Variants in SDK1 observed in about 807,000 individuals in gnomAD.
SDK1 encodes sidekick cell adhesion molecule 1.
SDK1 carries 157 observed loss-of-function variants against 245.5 expected under a neutral mutation model. The observed-to-expected ratio is 0.64, with a 90% CI of 0.56 to 0.73. SDK1 has a LOEUF of 0.73. Among genes scored for constraint, SDK1 ranks in the 30% least tolerant of loss-of-function variants. The pLI is 0.00. For synonymous variants in SDK1, 1,647 were observed against 1,278.5 expected (o/e 1.29, Z -6.15); for missense variants, 3,583 against 3,002.3 (o/e 1.19, Z -4.52).
At chr7:3,647,259 A>T (rs1221167668) in intron 4 of SDK1, among the ~76,000 whole-genome samples, 1 of 152,128 alleles carries the variant, frequency 6.6e-6, no homozygotes, top group Non-Finnish European at 1.5e-5. Flanking sequence ...TCTATTTTTT[A>T]AATTATATTT....
chr7:3,659,564 A>G (rs150485657), intron 4 of SDK1, among the ~76,000 whole-genome samples: 28 of 152,130 alleles, frequency 1.8e-4, no homozygotes, highest in Middle Eastern at 3.4e-3. Context: ...CTCCGAGGAG[A>G]GTGGCCCAAA....
chr7:4,207,238 C>T lies in SDK1; in HGVS notation c.5215-861C>T, dbSNP rs117663689. 3.8e-3 allele frequency among the ~76,000 whole-genome samples: 576 copies of T among 152,310 alleles called. 3 individuals are homozygous for T. Among genetic ancestry groups the T allele is most frequent in the Non-Finnish European group, 6.6e-3 (450 of 68,034 alleles). ...CTCCAGGCTGCCTCCCCGAAGCCTC[C>T]GTGCTGCCTTTTCACATGGGCAAGC... is the stretch of plus-strand genomic sequence containing the variant. On this transcript the variant is annotated intron_variant, in intron 36 of 44. Transcript: ENST00000404826.
chr7:3,356,938 C>A (rs1383614126), intron 1 of SDK1, among the ~76,000 whole-genome samples: 1 of 143,596 alleles, frequency 7.0e-6, no homozygotes, highest in Non-Finnish European at 1.5e-5. Flanking sequence ...GCTTCTAATC[C>A]CAGCTACTCA....
chr7:3,539,445 C>T (rs1003374483), intron 1 of SDK1, among the ~76,000 whole-genome samples: 2 of 151,996 alleles, frequency 1.3e-5, no homozygotes, highest in African/African-American at 4.8e-5. Flanking sequence ...CCTTTATTAC[C>T]TGGAGTACGC....
At chr7:3,400,251 C>G (rs927318086) in intron 1 of SDK1, among the ~76,000 whole-genome samples, 2 of 152,102 alleles carry the variant, frequency 1.3e-5, no homozygotes, top group Non-Finnish European at 2.9e-5. Flanking sequence ...GCCTTTCTAG[C>G]CAAGATTCAG....
intron 18 of SDK1, among the ~76,000 whole-genome samples, chr7:4,051,103 AATAT>A (rs1222738055): frequency 7.1e-6 from 1 of 139,958 alleles, no homozygotes; most frequent in African/African-American, 2.7e-5. Context: ...ATGTGTATAT[AATAT>A]ATATGTATAA....
chr7:3,541,110 T>C (rs1374528929), intron 1 of SDK1, among the ~76,000 whole-genome samples: 1 of 152,240 alleles, frequency 6.6e-6, no homozygotes, highest in Non-Finnish European at 1.5e-5. Flanking sequence ...GTTTCTTGGG[T>C]GATACATGCA....
At chr7:3,805,125 TA>T (rs1180692155) in intron 4 of SDK1, among the ~76,000 whole-genome samples, 1 of 152,228 alleles carries the variant, frequency 6.6e-6, no homozygotes, top group Non-Finnish European at 1.5e-5. Context: ...TTGGACACCA[TA>T]AGTACATACA....
At chr7:4,159,932 C>A (rs1377414870) in intron 31 of SDK1, among the ~76,000 whole-genome samples, 1 of 152,064 alleles carries the variant, frequency 6.6e-6, no homozygotes, top group East Asian at 1.9e-4. Flanking sequence ...GATGAGTAAC[C>A]TAGAAATGAT....
intron 4 of SDK1, among the ~76,000 whole-genome samples, chr7:3,797,584 G>T (rs549385072): frequency 6.6e-6 from 1 of 151,768 alleles, no homozygotes; most frequent in Admixed American, 6.6e-5. Context: ...AAAAATCATG[G>T]AACCCCATTT....
chr7:3,693,372 C>G (rs1445823559), intron 4 of SDK1, among the ~76,000 whole-genome samples: 2 of 151,996 alleles, frequency 1.3e-5, no homozygotes, highest in Non-Finnish European at 2.9e-5. Flanking sequence ...TTCTTTGGAC[C>G]AGTTTCAAAA....
At chr7:3,650,486 G>A (rs556496025) in intron 4 of SDK1, among the ~76,000 whole-genome samples, 21 of 152,016 alleles carry the variant, frequency 1.4e-4, no homozygotes, top group South Asian at 8.3e-4. Flanking sequence ...TTAATTAAAC[G>A]TAGTATCTGA....
rs111399373 is a variant in SDK1, at chr7:3,851,483, G to C, written c.847+29900G>C. ...CTTTGCATTGCGTGTTTATGTTCTT[G>C]CTTTGTCCAAGTTTTCCCTTTTCCT... is the stretch of plus-strand genomic sequence containing the variant. On this transcript the variant is annotated intron_variant, in intron 5 of 44. Coordinates refer to ENST00000404826, the MANE Select transcript of SDK1 (RefSeq NM_152744.4). Among the ~76,000 whole-genome samples, 1,189 of 152,174 alleles carry C rather than the reference G, an allele frequency of 7.8e-3. 14 individuals are homozygous for C. Among genetic ancestry groups the C allele is most frequent in the African/African-American group, 0.027 (1,112 of 41,494 alleles).
chr7:4,053,627 T>C (rs1031952399), intron 19 of SDK1, among the ~76,000 whole-genome samples: 1 of 152,170 alleles, frequency 6.6e-6, no homozygotes, highest in Non-Finnish European at 1.5e-5. Context: ...CCTTATGTTC[T>C]CCTTGACCCT....
chr7:3,482,823 C>T (rs192954802), intron 1 of SDK1, among the ~76,000 whole-genome samples: 1 of 152,298 alleles, frequency 6.6e-6, no homozygotes, highest in East Asian at 1.9e-4. Context: ...TCTCAGGCAA[C>T]TCACAGGACA....
chr7:4,151,861 T>G (rs1180164677), intron 30 of SDK1, among the ~76,000 whole-genome samples: 1 of 152,210 alleles, frequency 6.6e-6, no homozygotes, highest in Non-Finnish European at 1.5e-5. Flanking sequence ...GGATATTTCC[T>G]GAGGTTTTTG....
chr7:3,818,395 C>T (rs768416834), intron 4 of SDK1, among the ~76,000 whole-genome samples: 8 of 152,100 alleles, frequency 5.3e-5, no homozygotes, highest in Non-Finnish European at 1.0e-4. Flanking sequence ...TCATTACCTT[C>T]TGATAGCAAA....
chr7:3,884,017 A>G (rs1389481833), intron 5 of SDK1, among the ~76,000 whole-genome samples: 1 of 152,014 alleles, frequency 6.6e-6, no homozygotes, highest in Admixed American at 6.5e-5. Context: ...TTAAAACTTT[A>G]CACAATGTCA....
intron 44 of SDK1, 49 bp from the exon 45 acceptor site, chr7:4,265,075 G>T: frequency 6.6e-7 from 1 of 1,513,406 alleles, no homozygotes; most frequent in East Asian, 2.3e-5. Context: ...GCACGCTCCG[G>T]GCCCTGCGCC....
Sources: allele counts gnomAD v4.1 joint callset (sites outside exome capture counted in the v4.1 genomes callset), GRCh38; gene constraint gnomAD v4.1.1; transcripts MANE v1.5; gene names NCBI Gene and HGNC (gene_info 2026-07-23, HGNC 2026-07-21).